SLC2A14: variants seen among roughly 807,000 people sequenced by gnomAD.
The protein encoded by SLC2A14 is solute carrier family 2 member 14.
A neutral mutation model predicts 43.0 loss-of-function variants in SLC2A14; 13 were observed. The ratio of observed to expected loss-of-function variants is 0.30; its 90% confidence interval spans 0.20 to 0.48. SLC2A14 has a LOEUF of 0.48. SLC2A14 is among the 20% of genes least tolerant of loss of function. The probability of loss-of-function intolerance (pLI) is 0.99; values close to 1 mark genes in which losing one functional copy is unlikely to be tolerated. For synonymous variants in SLC2A14, 190 were observed against 233.8 expected (o/e 0.81, Z 1.71); for missense variants, 428 against 620.4 (o/e 0.69, Z 3.29).
rs780800130 is a variant in SLC2A14 at position 7,824,914 on chromosome 12, C to G, written c.864+2581G>C. On this transcript the variant is annotated intron_variant, in intron 7 of 10. Transcript: ENST00000431042. The stretch of plus-strand genomic sequence containing the variant: ...TTTGCCATGTTGGTCAGGCTGGTCT[C>G]GAACTCCTGATCTCAGGTGATCTGC... Among the ~76,000 whole-genome samples, 6 of 151,432 alleles carry G rather than the reference C, an allele frequency of 4.0e-5. No individual in the cohort carries two copies. In the East Asian group the frequency reaches 7.9e-4, roughly 20 times the overall value.
upstream of SLC2A14, among the ~76,000 whole-genome samples, chr12:7,877,208 G>A (rs1945478249): frequency 6.6e-6 from 1 of 152,024 alleles, no homozygotes; most frequent in Admixed American, 6.6e-5. Context: ...ATGTTGGCCA[G>A]GCTGGTCTTG....
chr12:7,889,508 C>G (rs1005187305), intron 1 of SLC2A14, among the ~76,000 whole-genome samples: 4 of 150,794 alleles, frequency 2.7e-5, no homozygotes, highest in African/African-American at 9.8e-5. Flanking sequence ...GCTGGGATTA[C>G]AGGCGTGAGC....
Position 7,827,795 on chromosome 12 carries a change from A to G in SLC2A14, c.677-113T>C. The G allele has an allele frequency of 2.0e-6, 3 of 1,515,508 alleles. No homozygotes were observed. The South Asian group carries it at 4.0e-5, about 20-fold the overall frequency. The allele number at this position is 1,515,508 out of a possible 1,614,324, so 93.9% of individuals were successfully genotyped here. A position where few individuals can be genotyped will look rare whatever the true frequency, so the allele number is the denominator to read the frequency against. On this transcript the variant is annotated intron_variant, in intron 6 of 10. Coordinates refer to ENST00000431042, the MANE Select transcript of SLC2A14 (RefSeq NM_001286234.2). Reference sequence around the variant, plus strand: ...CGAGGTGAGGTGATGGGTAGCATCCATTCCTGAACCTGCCCTCTCACCTCA... The same window carrying G: ...CGAGGTGAGGTGATGGGTAGCATCCGTTCCTGAACCTGCCCTCTCACCTCA...
intron 7 of SLC2A14, among the ~76,000 whole-genome samples, chr12:7,824,233 G>A (rs1020409642): frequency 6.6e-6 from 1 of 152,114 alleles, no homozygotes; most frequent in African/African-American, 2.4e-5. Flanking sequence ...TCCAGCCTGG[G>A]CAACGGAGTA....
chr12:7,843,144 G>A (rs1365350357), intron 2 of SLC2A14, among the ~76,000 whole-genome samples: 1 of 151,628 alleles, frequency 6.6e-6, no homozygotes, highest in Non-Finnish European at 1.5e-5. Flanking sequence ...TAGACCCTCA[G>A]ACAACTTAGT....
chr12:7,883,916 C>T (rs1945640541), intron 1 of SLC2A14, among the ~76,000 whole-genome samples: 1 of 124,618 alleles, frequency 8.0e-6, no homozygotes, highest in Admixed American at 7.9e-5. Flanking sequence ...ATTAACTTTT[C>T]TTTCTTTCTT....
At chr12:7,839,426 G>A (rs1199159309) in intron 2 of SLC2A14, among the ~76,000 whole-genome samples, 1 of 152,174 alleles carries the variant, frequency 6.6e-6, no homozygotes, top group Non-Finnish European at 1.5e-5. Flanking sequence ...CGGGGGCAGA[G>A]TGGCAGGAGA....
chr12:7,849,308 C>A (rs1866729649), intron 2 of SLC2A14, among the ~76,000 whole-genome samples: 1 of 151,858 alleles, frequency 6.6e-6, no homozygotes, highest in Non-Finnish European at 1.5e-5. Context: ...TTCAAGACCA[C>A]CCTGGGCAAC....
At chr12:7,814,884 C>G (rs2120634531) in intron 10 of SLC2A14, among the ~76,000 whole-genome samples, 1 of 152,104 alleles carries the variant, frequency 6.6e-6, no homozygotes, top group South Asian at 2.1e-4. Context: ...ACTGCAACCT[C>G]CTCCTCTTGG....
intron 8 of SLC2A14, 149 bp downstream of exon 8, chr12:7,821,072 G>A (rs912205056): frequency 3.7e-6 from 2 of 536,882 alleles, no homozygotes; most frequent in Non-Finnish European, 6.3e-6. Flanking sequence ...GGGCAACAGA[G>A]CAAGACTCTG....
At chr12:7,849,844 G>A (rs566841615) in intron 2 of SLC2A14, among the ~76,000 whole-genome samples, 95 of 150,912 alleles carry the variant, frequency 6.3e-4, no homozygotes, top group Non-Finnish European at 1.1e-3. Flanking sequence ...GGTAGAGGTT[G>A]CAGTGAGCCG....
chr12:7,874,835 A>C (rs1366194748), upstream of SLC2A14, among the ~76,000 whole-genome samples: 1 of 87,274 alleles, frequency 1.1e-5, no homozygotes, highest in Non-Finnish European at 2.6e-5. Context: ...AATTATATAT[A>C]AATACGTATT....
At chr12:7,849,904 C>CAA (rs760893036) in intron 2 of SLC2A14, among the ~76,000 whole-genome samples, 2 of 65,374 alleles carry the variant, frequency 3.1e-5, no homozygotes, top group Non-Finnish European at 6.1e-5. Flanking sequence ...GACTCCATCT[C>CAA]AAAAAAAAAA....
intron 1 of SLC2A14, chr12:7,871,893 G>C: frequency 1.0e-6 from 1 of 984,740 alleles, no homozygotes; most frequent in Non-Finnish European, 1.2e-6. Context: ...CACCCATCGT[G>C]GGAGTGTGCT....
rs770757183 is a variant in SLC2A14, at chr12:7,813,866, G to A, written c.*450C>T. ...TAAATAAAACTCAAGTTAATTTGCC[G>A]CGTAGAGCTGTATGGAAGTGAGGAA... On this transcript the variant is annotated 3_prime_UTR_variant, in exon 11 of 11. Coordinates refer to ENST00000431042, the MANE Select transcript of SLC2A14 (RefSeq NM_001286234.2). 35 of 169,548 alleles carry A rather than the reference G, an allele frequency of 2.1e-4. No homozygotes were observed. Among genetic ancestry groups the A allele is most frequent in the East Asian group, 1.4e-3 (9 of 6,602 alleles). 10.5% of individuals were successfully genotyped at this position (169,548 alleles called of 1,614,324 possible).
chr12:7,875,135 T>TATATTTAAAATTAAATATATA (rs1945434710), upstream of SLC2A14, among the ~76,000 whole-genome samples: 3 of 109,420 alleles, frequency 2.7e-5, no homozygotes, highest in South Asian at 2.8e-4. Flanking sequence ...TTAAATATAT[T>TATATTTAAAATTAAATATATA]TAAATATTAT....
chr12:7,835,333 G>A (rs1235519225), intron 2 of SLC2A14, among the ~76,000 whole-genome samples: 3 of 152,140 alleles, frequency 2.0e-5, no homozygotes, highest in African/African-American at 7.2e-5. Flanking sequence ...GTTGCAGTCA[G>A]CCGAGATTGC....
At position 7,813,728 on chromosome 12, in the gene SLC2A14, C is replaced by CT. The variant is rs1863202093; in HGVS notation, c.*587dup. On this transcript the variant is annotated 3_prime_UTR_variant, in exon 11 of 11. Coordinates refer to ENST00000431042, the MANE Select transcript of SLC2A14 (RefSeq NM_001286234.2). ...CCTCTCCAGCATCAAATCTTTTACT[C>CT]TATAACCTCTCTTTAAACACCTCCC... The CT allele has an allele frequency of 6.4e-6, 1 of 157,356 alleles. No homozygotes were observed. Among genetic ancestry groups the CT allele is most frequent in the Non-Finnish European group, 1.4e-5 (1 of 70,626 alleles). The allele number at this position is 157,356 out of a possible 1,614,324, so 9.7% of individuals were successfully genotyped here. A position where few individuals can be genotyped will look rare whatever the true frequency, so the allele number is the denominator to read the frequency against.
At chr12:7,887,606 TAGA>T (rs1390018531) in intron 1 of SLC2A14, among the ~76,000 whole-genome samples, 5 of 118,330 alleles carry the variant, frequency 4.2e-5, no homozygotes, top group Middle Eastern at 3.8e-3. Context: ...GATAGATAGA[TAGA>T]TAGTTAGATA....
Sources: gnomAD v4.1 joint callset for allele counts (sites outside exome capture counted in the v4.1 genomes callset) on GRCh38, gnomAD v4.1.1 for gene constraint, MANE v1.5 for transcripts, NCBI Gene and HGNC (gene_info 2026-07-23, HGNC 2026-07-21) for gene names.